Variants in MACF1 observed in about 807,000 individuals in gnomAD.
MACF1 encodes the protein microtubule actin crosslinking factor 1.
MACF1 carries 193 observed loss-of-function variants against 854.8 expected under a neutral mutation model. The observed-to-expected ratio is 0.23, with a 90% CI of 0.20 to 0.25. The LOEUF is 0.25. Ranked by LOEUF, MACF1 falls within the 10% of genes least tolerant of loss-of-function variation. The pLI is 1.00. For missense variants in MACF1, 7,722 were observed against 8,929.1 expected (o/e 0.86, Z 5.45); for synonymous variants, 3,185 against 3,226.7 (o/e 0.99, Z 0.44).
intron 31 of MACF1, among the ~76,000 whole-genome samples, chr1:39,320,586 G>A (rs546666377): frequency 3.3e-5 from 5 of 152,304 alleles, no homozygotes; most frequent in African/African-American, 9.6e-5. Context: ...TCATATCATA[G>A]TCGTAATAAA....
intron 60 of MACF1, among the ~76,000 whole-genome samples, chr1:39,423,295 TTTTA>T (rs1213872457): frequency 6.6e-6 from 1 of 152,194 alleles, no homozygotes; most frequent in Non-Finnish European, 1.5e-5. Flanking sequence ...CCAAAGGAAA[TTTTA>T]TTTTTTTCTC....
chr1:39,108,571 C>T (rs1642310669), intron 2 of MACF1, among the ~76,000 whole-genome samples: 1 of 139,622 alleles, frequency 7.2e-6, no homozygotes, highest in African/African-American at 2.7e-5. Flanking sequence ...AGTGCAGTGG[C>T]ACGATCTCCA....
chr1:39,326,720 G>A (rs1055958754), intron 35 of MACF1, among the ~76,000 whole-genome samples: 3 of 149,068 alleles, frequency 2.0e-5, no homozygotes, highest in African/African-American at 7.4e-5. Context: ...AAAAAGAAAA[G>A]GCCCTAAAGC....
At chr1:39,094,752 C>T (rs945779520) in intron 2 of MACF1, among the ~76,000 whole-genome samples, 1 of 151,952 alleles carries the variant, frequency 6.6e-6, no homozygotes, top group Non-Finnish European at 1.5e-5. Context: ...ATTAGCCAGG[C>T]GTGGTGGTAT....
intron 5 of MACF1, 70 bp downstream of exon 5, chr1:39,254,445 T>C: frequency 2.2e-6 from 3 of 1,361,206 alleles, no homozygotes; most frequent in Non-Finnish European, 3.2e-6. Flanking sequence ...CAGAGATGTT[T>C]TTAGTGCCCC....
intron 2 of MACF1, among the ~76,000 whole-genome samples, chr1:39,178,528 T>A (rs1004896238): frequency 2.0e-5 from 3 of 152,380 alleles, no homozygotes; most frequent in Admixed American, 1.3e-4. Flanking sequence ...ACATAGTTGC[T>A]GGATTCAGCA....
chr1:39,422,631 A>C (rs1643583865), intron 59 of MACF1, 96 bp downstream of exon 59: 9 of 1,539,544 alleles, frequency 5.8e-6, no homozygotes, highest in Non-Finnish European at 7.9e-6. Context: ...TGGAAATAAA[A>C]ATTTAGCAGT....
intron 15 of MACF1, 186 bp downstream of exon 15, chr1:39,287,748 C>T: frequency 4.7e-6 from 3 of 635,702 alleles, no homozygotes; most frequent in Non-Finnish European, 8.0e-6. Flanking sequence ...CTGAAGTGAT[C>T]CTCCTGCCTC....
chr1:39,108,282 A>G (rs1434612276), intron 2 of MACF1, among the ~76,000 whole-genome samples: 2 of 152,172 alleles, frequency 1.3e-5, no homozygotes, highest in Non-Finnish European at 2.9e-5. Context: ...TCTGACAGTC[A>G]TTAAAGTCTC....
intron 1 of MACF1, among the ~76,000 whole-genome samples, chr1:39,214,382 A>C (rs920548843): frequency 6.6e-6 from 1 of 152,196 alleles, no homozygotes; most frequent in African/African-American, 2.4e-5. Context: ...ACAATTAGCC[A>C]AGACTCGGAA....
intron 2 of MACF1, among the ~76,000 whole-genome samples, chr1:39,118,746 T>C (rs1642608332): frequency 6.6e-6 from 1 of 151,828 alleles, no homozygotes. Context: ...TAAGAGGAAA[T>C]AGGTTTGGGG....
intron 2 of MACF1, among the ~76,000 whole-genome samples, chr1:39,108,752 A>G (rs1642316229): frequency 6.6e-6 from 1 of 152,230 alleles, no homozygotes. Context: ...GTTAAAAACC[A>G]GCACACTTGG....
chr1:39,234,911 G>T (rs574436798), intron 2 of MACF1, among the ~76,000 whole-genome samples: 1 of 149,076 alleles, frequency 6.7e-6, no homozygotes, highest in East Asian at 2.0e-4. Flanking sequence ...GACGATAGGC[G>T]GCCGGGCAGA....
chr1:39,449,444 G>A (rs556604521), intron 84 of MACF1, among the ~76,000 whole-genome samples: 28 of 152,210 alleles, frequency 1.8e-4, no homozygotes, highest in African/African-American at 6.7e-4. Flanking sequence ...TGTCACCCAG[G>A]CTGGAGTGCA....
chr1:39,410,227 A>G (rs1642925347), intron 58 of MACF1: 2 of 1,469,776 alleles, frequency 1.4e-6, no homozygotes, highest in South Asian at 1.3e-5. Flanking sequence ...TGTGAAAAAT[A>G]CTTTTGAAAG....
intron 30 of MACF1, among the ~76,000 whole-genome samples, chr1:39,319,340 T>A (rs1167040365): frequency 6.6e-6 from 1 of 152,192 alleles, no homozygotes. Flanking sequence ...TTGGGCACAG[T>A]GGCTTCTGCC....
At chr1:39,417,823 C>T (rs1374888488) in intron 58 of MACF1, among the ~76,000 whole-genome samples, 5 of 147,428 alleles carry the variant, frequency 3.4e-5, no homozygotes, top group Non-Finnish European at 7.4e-5. Flanking sequence ...GGTGATCCGC[C>T]TGCCTCGGCG....
chr1:39,094,392 A>C (rs1641884912), intron 2 of MACF1, among the ~76,000 whole-genome samples: 1 of 151,598 alleles, frequency 6.6e-6, no homozygotes, highest in African/African-American at 2.4e-5. Context: ...ACAAGAGTGA[A>C]ATTTTGTCTC....
intron 61 of MACF1, among the ~76,000 whole-genome samples, chr1:39,424,911 G>A (rs1022845297): frequency 9.9e-5 from 15 of 152,214 alleles, no homozygotes; most frequent in African/African-American, 3.6e-4. Flanking sequence ...GCCTATGGCA[G>A]TCTTCAAATA....
Sources: gnomAD v4.1 joint callset for allele counts (sites outside exome capture counted in the v4.1 genomes callset) on GRCh38, gnomAD v4.1.1 for gene constraint, MANE v1.5 for transcripts, NCBI Gene and HGNC (gene_info 2026-07-23, HGNC 2026-07-21) for gene names.